KCND2: variants seen among roughly 807,000 people sequenced by gnomAD.
KCND2 encodes potassium voltage-gated channel subfamily D member 2, also known as A-type voltage-gated potassium channel KCND2.
In KCND2, 16 loss-of-function variants were observed where a neutral mutation model predicts 54.4. That is an observed-to-expected ratio of 0.29 (90% CI 0.20 to 0.45). The LOEUF (loss-of-function observed/expected upper bound fraction) is 0.45. KCND2 is among the 20% of genes least tolerant of loss of function. KCND2 has a pLI of 1.00. For synonymous variants in KCND2, 317 were observed against 310.7 expected (o/e 1.02, Z -0.21); for missense variants, 486 against 824.2 (o/e 0.59, Z 5.02).
intron 1 of KCND2, among the ~76,000 whole-genome samples, chr7:120,491,815 T>C (rs1802783965): frequency 6.6e-6 from 1 of 152,094 alleles, no homozygotes; most frequent in Admixed American, 6.6e-5. Flanking sequence ...ATGTGATTAG[T>C]GCAATTTGGT....
At chr7:120,681,305 G>T (rs942006151) in intron 1 of KCND2, among the ~76,000 whole-genome samples, 4 of 151,944 alleles carry the variant, frequency 2.6e-5, no homozygotes, top group Non-Finnish European at 4.4e-5. Flanking sequence ...TATAGGGATG[G>T]CATAAATGGA....
intron 1 of KCND2, among the ~76,000 whole-genome samples, chr7:120,585,696 G>A (rs1047146413): frequency 1.3e-5 from 2 of 152,074 alleles, no homozygotes; most frequent in Non-Finnish European, 2.9e-5. Context: ...GCAGGGAAGG[G>A]AATCAAGAAT....
intron 1 of KCND2, among the ~76,000 whole-genome samples, chr7:120,596,286 T>G (rs573603964): frequency 6.6e-6 from 1 of 152,314 alleles, no homozygotes; most frequent in African/African-American, 2.4e-5. Flanking sequence ...TAGATAATTG[T>G]GATACCAGCC....
At chr7:120,684,606 G>A (rs1329884118) in intron 1 of KCND2, among the ~76,000 whole-genome samples, 1 of 152,084 alleles carries the variant, frequency 6.6e-6, no homozygotes, top group Non-Finnish European at 1.5e-5. Context: ...TTAATGCTTA[G>A]AAACAGTTTA....
chr7:120,730,760 T>G (rs553174719), intron 1 of KCND2, among the ~76,000 whole-genome samples: 1 of 152,264 alleles, frequency 6.6e-6, no homozygotes, highest in Admixed American at 6.5e-5. Flanking sequence ...TGGCACTAGA[T>G]AGTATCACCT....
At chr7:120,294,832 A>C (rs1222221721) in intron 1 of KCND2, among the ~76,000 whole-genome samples, 1 of 151,900 alleles carries the variant, frequency 6.6e-6, no homozygotes. Flanking sequence ...ATATACATAT[A>C]TACACATGTA....
intron 1 of KCND2, among the ~76,000 whole-genome samples, chr7:120,360,110 A>G (rs934751202): frequency 6.6e-6 from 1 of 152,132 alleles, no homozygotes. Flanking sequence ...TGGAGGCAGT[A>G]TAACTCTCCA....
intron 1 of KCND2, among the ~76,000 whole-genome samples, chr7:120,661,579 G>A (rs554478331): frequency 2.4e-4 from 37 of 152,052 alleles, no homozygotes; most frequent in African/African-American, 8.9e-4. Flanking sequence ...GAACCTGAGA[G>A]GCGGAGGCTG....
chr7:120,570,207 T>A (rs1003949331), intron 1 of KCND2, among the ~76,000 whole-genome samples: 3 of 152,262 alleles, frequency 2.0e-5, no homozygotes, highest in Admixed American at 1.3e-4. Context: ...CTCCCTTTTT[T>A]AAAATATTTG....
intron 1 of KCND2, among the ~76,000 whole-genome samples, chr7:120,423,102 C>T (rs1801649787): frequency 6.6e-6 from 1 of 152,166 alleles, no homozygotes; most frequent in East Asian, 1.9e-4. Flanking sequence ...ACAGGGCTTT[C>T]CCAGACTTAT....
Position 120,349,155 on chromosome 7 carries a change from G to T in KCND2, c.1115+73408G>T, listed in dbSNP as rs191843619. Among the ~76,000 whole-genome samples, 8 of 152,100 alleles carry T rather than the reference G, an allele frequency of 5.3e-5. No individual in the cohort carries two copies. In the East Asian group the frequency reaches 1.5e-3, roughly 29 times the overall value. The stretch of plus-strand genomic sequence containing the variant: ...ATTGCCACTTTCTTAATTCTACAAA[G>T]AAATTAACTTTTGCTCTTCTACATC... On this transcript the variant is annotated intron_variant, in intron 1 of 5. Transcript: ENST00000331113.
intron 1 of KCND2, among the ~76,000 whole-genome samples, chr7:120,545,236 G>T (rs1270758670): frequency 2.6e-5 from 4 of 151,874 alleles, no homozygotes; most frequent in Non-Finnish European, 5.9e-5. Flanking sequence ...CATTCTTTGT[G>T]CCTACCACTA....
At chr7:120,591,029 A>AT (rs1792665130) in intron 1 of KCND2, among the ~76,000 whole-genome samples, 1 of 152,010 alleles carries the variant, frequency 6.6e-6, no homozygotes, top group Admixed American at 6.6e-5. Flanking sequence ...TGGATTAATT[A>AT]TTTTTCCTAC....
intron 1 of KCND2, among the ~76,000 whole-genome samples, chr7:120,374,712 T>C (rs571373027): frequency 6.6e-6 from 1 of 151,974 alleles, no homozygotes; most frequent in Non-Finnish European, 1.5e-5. Context: ...CCTCATAGCC[T>C]GTAGGGCATA....
intron 1 of KCND2, among the ~76,000 whole-genome samples, chr7:120,619,290 C>G (rs1793068280): frequency 6.6e-6 from 1 of 152,120 alleles, no homozygotes; most frequent in African/African-American, 2.4e-5. Flanking sequence ...ATTAGCGGGA[C>G]ATGGTAGCAT....
At chr7:120,415,397 C>T (rs1035245581) in intron 1 of KCND2, among the ~76,000 whole-genome samples, 105 of 152,158 alleles carry the variant, frequency 6.9e-4, no homozygotes, top group African/African-American at 2.3e-3. Flanking sequence ...GTCATACCCC[C>T]GCCTGCATCT....
chr7:120,740,609 A>G (rs1393915009), intron 2 of KCND2, among the ~76,000 whole-genome samples: 2 of 152,166 alleles, frequency 1.3e-5, no homozygotes, highest in African/African-American at 2.4e-5. Context: ...GTAGAATGGA[A>G]TATCAGAAAT....
chr7:120,624,155 A>G (rs1793136511), intron 1 of KCND2, among the ~76,000 whole-genome samples: 1 of 152,212 alleles, frequency 6.6e-6, no homozygotes, highest in Admixed American at 6.5e-5. Flanking sequence ...ATATTCAATT[A>G]AGCTTCCAGG....
intron 1 of KCND2, among the ~76,000 whole-genome samples, chr7:120,369,055 T>C (rs1389468472): frequency 1.3e-5 from 2 of 152,064 alleles, no homozygotes; most frequent in African/African-American, 2.4e-5. Flanking sequence ...TTTGGTGTTG[T>C]TTTTGTTATC....
Sources: allele counts gnomAD v4.1 joint callset (sites outside exome capture counted in the v4.1 genomes callset), GRCh38; gene constraint gnomAD v4.1.1; transcripts MANE v1.5; gene names NCBI Gene and HGNC (gene_info 2026-07-23, HGNC 2026-07-21).